The following KYAT3 variants were observed in gnomAD, a reference collection of about 807,000 sequenced individuals.
KYAT3 encodes kynurenine aminotransferase 3, also known as kynurenine--oxoglutarate transaminase 3.
In KYAT3, 50 loss-of-function variants were observed where a neutral mutation model predicts 59.0. The ratio of observed to expected loss-of-function variants is 0.85; its 90% confidence interval spans 0.68 to 1.07. The LOEUF (loss-of-function observed/expected upper bound fraction) is 1.07, where lower values mean the gene tolerates loss of function less well. KYAT3 is among the 50% of genes least tolerant of loss of function. The probability of loss-of-function intolerance (pLI) is 0.00; values close to 1 mark genes in which losing one functional copy is unlikely to be tolerated. For missense variants in KYAT3, 497 were observed against 533.3 expected, an observed-to-expected ratio of 0.93 and a Z score of 0.67; for synonymous variants, 148 against 177.0, an observed-to-expected ratio of 0.84 and a Z score of 1.30.
chr1:88,948,425 CTT>C (rs1033692896), intron 11 of KYAT3, among the ~76,000 whole-genome samples: 1 of 152,024 alleles, frequency 6.6e-6, no homozygotes, highest in African/African-American at 2.4e-5. Context: ...ATGCTTCTAA[CTT>C]TAGATTTGTA....
At chr1:88,974,175 C>A (rs2101063340) in intron 2 of KYAT3, among the ~76,000 whole-genome samples, 1 of 152,218 alleles carries the variant, frequency 6.6e-6, no homozygotes, top group South Asian at 2.1e-4. Context: ...AAGTGGGCAC[C>A]CTTTTCATGG....
At chr1:88,965,747 C>T (rs1260590140) in intron 4 of KYAT3, among the ~76,000 whole-genome samples, 1 of 152,080 alleles carries the variant, frequency 6.6e-6, no homozygotes, top group Non-Finnish European at 1.5e-5. Context: ...CCAGCATCTA[C>T]CTCCTCATTT....
chr1:88,964,787 AATTG>A (rs746161360), intron 5 of KYAT3, 38 bp downstream of exon 5: 92 of 1,413,164 alleles, frequency 6.5e-5, no homozygotes, highest in Non-Finnish European at 8.9e-5. Flanking sequence ...GACAAATGAT[AATTG>A]ATTAATATGG....
intron 2 of KYAT3, chr1:88,983,069 T>C (rs201156860): frequency 6.2e-7 from 1 of 1,612,370 alleles, no homozygotes; most frequent in East Asian, 2.2e-5. Flanking sequence ...TGGATAGTCA[T>C]CACGTGAACT....
chr1:88,977,177 G>A (rs1443571220), intron 2 of KYAT3, among the ~76,000 whole-genome samples: 1 of 151,912 alleles, frequency 6.6e-6, no homozygotes, highest in African/African-American at 2.4e-5. Flanking sequence ...ACCATGCCCA[G>A]CTAAATTTTG....
the KYAT3 span, among the ~76,000 whole-genome samples, chr1:88,929,248 G>T: frequency 1.1e-4 from 16 of 152,166 alleles, no homozygotes; most frequent in Non-Finnish European, 2.2e-4. Context: ...AATTTTAGGA[G>T]TACAGAAACC....
chr1:88,943,392 C>T lies in KYAT3; in HGVS notation c.1173G>A (p.Glu391=). The change falls in exon 12 of 14, where the codon GAG becomes GAA. Residue 391 remains glutamate (E), a synonymous_variant. Transcript: ENST00000260508. The part of the protein sequence containing the change: ...DPDLSDMKNN[E]PYDYKFVKWM... Reference sequence around the variant, plus strand: ...ATTTCACAAACTTATAGTCATAAGGCTCATTATTCTTCATATCAGAGAGGT... The same window carrying T: ...ATTTCACAAACTTATAGTCATAAGGTTCATTATTCTTCATATCAGAGAGGT... 1.3e-6 allele frequency: 2 copies of T among 1,586,236 alleles called. No individual in the cohort carries two copies. Among genetic ancestry groups the T allele is most frequent in the Non-Finnish European group, 1.7e-6 (2 of 1,164,568 alleles).
chr1:88,922,298 C>A, the KYAT3 span, among the ~76,000 whole-genome samples: 1 of 152,148 alleles, frequency 6.6e-6, no homozygotes, highest in Admixed American at 6.5e-5. Flanking sequence ...AGAGACAATA[C>A]CATGCAGGGT....
intron 4 of KYAT3, among the ~76,000 whole-genome samples, chr1:88,966,712 A>G (rs1269217271): frequency 6.6e-6 from 1 of 152,006 alleles, no homozygotes; most frequent in African/African-American, 2.4e-5. Context: ...ATGTATCTTT[A>G]TATCTCACAG....
chr1:88,953,096 T>C lies in KYAT3; in HGVS notation c.921A>G (p.Gln307=). 1 of 1,613,286 alleles carries C rather than the reference T, an allele frequency of 6.2e-7. No individual in the cohort carries two copies. Among genetic ancestry groups the C allele is most frequent in the Non-Finnish European group, 8.5e-7 (1 of 1,179,222 alleles). ...GAGTTGCACAAGTATAAATCGTGTT[T>C]TGTTGAACTGTCTGTAAATGTTTTA... The part of the protein sequence containing the change: ...HLIKHLQTVQ[Q]NTIYTCATPL... Residue 307 remains glutamine, a synonymous_variant, in exon 10 of 14, where the codon CAA becomes CAG. Coordinates refer to ENST00000260508, the MANE Select transcript of KYAT3 (RefSeq NM_001008661.3).
chr1:88,926,609 C>T, the KYAT3 span, among the ~76,000 whole-genome samples: 1 of 152,318 alleles, frequency 6.6e-6, no homozygotes, highest in Non-Finnish European at 1.5e-5. Flanking sequence ...AGCCACCACA[C>T]CTGGCCCTGA....
At chr1:88,961,959 T>G in intron 6 of KYAT3, 100 bp downstream of exon 6, 1 of 815,380 alleles carries the variant, frequency 1.2e-6, no homozygotes. Flanking sequence ...AATCTCCAAA[T>G]GCAATCAAAG....
intron 4 of KYAT3, 78 bp from the exon 5 acceptor site, chr1:88,965,056 G>T: frequency 8.9e-7 from 1 of 1,122,110 alleles, no homozygotes; most frequent in Non-Finnish European, 1.3e-6. Flanking sequence ...GCTCTAAAAT[G>T]TAAGAATTTT....
At chr1:88,971,319 T>C (rs1391753497) in intron 2 of KYAT3, among the ~76,000 whole-genome samples, 1 of 152,194 alleles carries the variant, frequency 6.6e-6, no homozygotes, top group Non-Finnish European at 1.5e-5. Flanking sequence ...TCTTCTCTCA[T>C]TGTTCTTCCT....
the KYAT3 span, among the ~76,000 whole-genome samples, chr1:88,921,155 CTTA>C: frequency 6.6e-6 from 1 of 152,254 alleles, no homozygotes; most frequent in Admixed American, 6.5e-5. Flanking sequence ...CTCTGCCATC[CTTA>C]TTATATAGAC....
intron 13 of KYAT3, among the ~76,000 whole-genome samples, chr1:88,942,061 T>C (rs540229176): frequency 3.7e-4 from 57 of 152,302 alleles, no homozygotes; most frequent in African/African-American, 1.3e-3. Flanking sequence ...ATGACACATA[T>C]ATTATCACTT....
At chr1:88,976,798 G>A (rs1260868077) in intron 2 of KYAT3, among the ~76,000 whole-genome samples, 1 of 152,044 alleles carries the variant, frequency 6.6e-6, no homozygotes, top group African/African-American at 2.4e-5. Flanking sequence ...CTAGGCTAAC[G>A]TATGTGTCTT....
At chr1:88,927,527 C>CT in the KYAT3 span, among the ~76,000 whole-genome samples, 4 of 152,104 alleles carry the variant, frequency 2.6e-5, no homozygotes, top group Non-Finnish European at 5.9e-5. Flanking sequence ...CCCTCAGAGT[C>CT]TACCTCCCTA....
At position 88,940,440 on chromosome 1, in the gene KYAT3, C is replaced by T. The variant is rs547944077; in HGVS notation, c.1302+2565G>A. On this transcript the variant is annotated intron_variant, in intron 13 of 13. Coordinates refer to ENST00000260508, the MANE Select transcript of KYAT3 (RefSeq NM_001008661.3). The stretch of plus-strand genomic sequence containing the variant: ...TTCCACTGCCAAAGCATGCACTATA[C>T]CTATTGTTCTGAGTAATAAGCATGC... Among the ~76,000 whole-genome samples the T allele has an allele frequency of 3.3e-5, 5 of 152,290 alleles. No individual in the cohort carries two copies. The South Asian group carries it at 1.0e-3, about 32-fold the overall frequency.
Sources: gnomAD v4.1 joint callset for allele counts (sites outside exome capture counted in the v4.1 genomes callset) on GRCh38, gnomAD v4.1.1 for gene constraint, MANE v1.5 for transcripts, NCBI Gene and HGNC (gene_info 2026-07-23, HGNC 2026-07-21) for gene names.